Variants in RTEL1 observed in about 807,000 individuals in gnomAD.
RTEL1 encodes the protein regulator of telomere elongation helicase 1.
A neutral mutation model predicts 162.2 loss-of-function variants in RTEL1; 86 were observed. The ratio of observed to expected loss-of-function variants is 0.53; its 90% confidence interval spans 0.45 to 0.63. The LOEUF is 0.63. RTEL1 is among the 30% of genes least tolerant of loss of function. The probability of loss-of-function intolerance (pLI) is 0.00; values close to 1 mark genes in which losing one functional copy is unlikely to be tolerated. For synonymous variants in RTEL1, 958 were observed against 717.9 expected, an observed-to-expected ratio of 1.33 and a Z score of -5.35; for missense variants, 1,941 against 1,750.2, an observed-to-expected ratio of 1.11 and a Z score of -1.95.
At chr20:63,691,557 C>T (rs1046665544) in intron 27 of RTEL1, among the ~76,000 whole-genome samples, 185 bp from the exon 28 acceptor site, 5 of 152,120 alleles carry the variant, frequency 3.3e-5, no homozygotes, top group South Asian at 2.1e-4. Context: ...CCTCATGAGC[C>T]GCTGGTGTGA....
At chr20:63,675,397 G>A (rs957116082) in intron 10 of RTEL1, among the ~76,000 whole-genome samples, 14 of 152,110 alleles carry the variant, frequency 9.2e-5, no homozygotes, top group African/African-American at 2.7e-4. Flanking sequence ...GGGGAGCCCC[G>A]TCCTCACCCT....
In RTEL1 at chr20:63,692,922, G is replaced by A. The variant is rs1486153969; in HGVS notation, c.2770G>A (p.Gly924Ser). Residue 924 changes from glycine to serine, a missense_variant, in exon 29 of 35, where the codon GGT becomes AGT. Gly to Ser is a moderately conservative substitution (Grantham distance 56, BLOSUM62 0). Coordinates refer to ENST00000360203, the MANE Select transcript of RTEL1 (RefSeq NM_001283009.2). ...TFTQALQDYK[G>S]SDDFAALAAC... ...CACCCAGGCCCTGCAGGACTACAAGGGTTCCGATGACTTCGCCGCCCTGGC... is the reference window on the plus strand; with the variant it reads ...CACCCAGGCCCTGCAGGACTACAAGAGTTCCGATGACTTCGCCGCCCTGGC... The A allele has an allele frequency of 5.0e-6, 8 of 1,612,528 alleles. No individual in the cohort carries two copies. Among genetic ancestry groups the A allele is most frequent in the South Asian group, 1.1e-5 (1 of 91,090 alleles).
intron 14 of RTEL1, chr20:63,682,587 C>G (rs2090500343): frequency 2.4e-5 from 24 of 985,880 alleles, no homozygotes; most frequent in Non-Finnish European, 2.9e-5. Context: ...CAGCTTCTGC[C>G]AGCCCTCGGG....
rs1306888843 is a variant in RTEL1 at position 63,664,736 on chromosome 20, G to A, written c.539-1268G>A. Among the ~76,000 whole-genome samples the A allele has an allele frequency of 2.6e-5, 4 of 152,226 alleles. No homozygotes were observed. In the East Asian group the frequency reaches 7.7e-4, roughly 29 times the overall value. ...CACCGGCCTGAGCATCTTCAGAGTG[G>A]GCTGCAGCTCCTGGAGGGGTCTGAG... On this transcript the variant is annotated intron_variant, in intron 6 of 34. Coordinates refer to ENST00000360203, the MANE Select transcript of RTEL1 (RefSeq NM_001283009.2).
Position 63,692,482 on chromosome 20 carries a change from G to C in RTEL1, c.2653-323G>C, listed in dbSNP as rs1019030746. ...TGGGAGCCTCAGCCGCATCCGCTGTGGGGCAGGGGGCTTGAGGGAGGAGGA... is the reference window on the plus strand; with the variant it reads ...TGGGAGCCTCAGCCGCATCCGCTGTCGGGCAGGGGGCTTGAGGGAGGAGGA... On this transcript the variant is annotated intron_variant, in intron 28 of 34. Transcript: ENST00000360203. 9.5e-6 allele frequency: 4 copies of C among 419,628 alleles called. No individual in the cohort carries two copies. The Admixed American group carries it at 1.1e-4, about 12-fold the overall frequency. 26.0% of individuals were successfully genotyped at this position (419,628 alleles called of 1,614,324 possible).
intron 12 of RTEL1, among the ~76,000 whole-genome samples, chr20:63,679,133 G>A (rs904042972): frequency 3.9e-5 from 6 of 152,158 alleles, no homozygotes; most frequent in South Asian, 2.1e-4. Context: ...AGTCTTCTCC[G>A]CAGCCAGGGC....
chr20:63,694,513 A>G, intron 31 of RTEL1, 25 bp downstream of exon 31: 2 of 1,544,734 alleles, frequency 1.3e-6, no homozygotes, highest in South Asian at 2.3e-5. Flanking sequence ...AACCGTGTGC[A>G]GCCTACGACT....
At chr20:63,693,056 G>A in intron 29 of RTEL1, 53 bp downstream of exon 29, 3 of 1,609,840 alleles carry the variant, frequency 1.9e-6, no homozygotes, top group South Asian at 1.1e-5. Context: ...GCCGCCGCGT[G>A]TGGGGTGGGG....
chr20:63,672,414 G>T (rs2090262191), intron 8 of RTEL1, 142 bp from the exon 9 acceptor site: 1 of 699,396 alleles, frequency 1.4e-6, no homozygotes, highest in Non-Finnish European at 2.5e-6. Context: ...AGGTCATCCA[G>T]GTCTGGCCTC....
At chr20:63,680,417 G>C (rs2090455597) in intron 13 of RTEL1, among the ~76,000 whole-genome samples, 1 of 152,168 alleles carries the variant, frequency 6.6e-6, no homozygotes, top group Non-Finnish European at 1.5e-5. Context: ...GGCGACCATA[G>C]AGCCTCTTTT....
chr20:63,691,124 C>T lies in RTEL1; in HGVS notation c.2556+177C>T, dbSNP rs2090730764. Among the ~76,000 whole-genome samples, 3 of 152,102 alleles carry T rather than the reference C, an allele frequency of 2.0e-5. No individual in the cohort carries two copies. The South Asian group carries it at 6.2e-4, about 32-fold the overall frequency. On this transcript the variant is annotated intron_variant, in intron 27 of 34. Coordinates refer to ENST00000360203, the MANE Select transcript of RTEL1 (RefSeq NM_001283009.2). ...CCTGGCTGTCTGTGGGTCCTCCACC[C>T]CACCTCACCCACAGGCTGCTGGCTC...
rs1365358056 is a variant in RTEL1, at chr20:63,668,310, G to A, written c.699+757G>A. On this transcript the variant is annotated intron_variant, in intron 8 of 34. Coordinates refer to ENST00000360203, the MANE Select transcript of RTEL1 (RefSeq NM_001283009.2). This position sits in a 1 kb window ranked among gnomAD's most constrained non-coding sequence, Gnocchi z 4.3. ...CGTGGTGACGTTTCCAGATCCCGTC[G>A]TTGGTTCGCTCATTCTCGGGGTGTA... 1.3e-5 allele frequency among the ~76,000 whole-genome samples: 2 copies of A among 152,326 alleles called. No homozygotes were observed. The highest frequency in any genetic ancestry group is 1.9e-4 in the East Asian group (1 of 5,186).
chr20:63,681,244 C>T, intron 14 of RTEL1: 1 of 985,460 alleles, frequency 1.0e-6, no homozygotes, highest in Non-Finnish European at 1.2e-6. Context: ...AGGTCTGCTT[C>T]TGGCTCCATG....
In RTEL1 at chr20:63,666,088, C is replaced by A; in HGVS notation, c.614+9C>A. The A allele has an allele frequency of 6.2e-7, 1 of 1,612,780 alleles. No individual in the cohort carries two copies. The highest frequency in any genetic ancestry group is 1.1e-5 in the South Asian group (1 of 91,022). On this transcript the variant is annotated intron_variant, in intron 7 of 34. Transcript: ENST00000360203. ...AGCGGAAGCAAGCACAGGTGAGACC[C>A]CTCAGTGAGGCCACGACCACTGTCC...
At chr20:63,687,826 G>A in intron 17 of RTEL1, 56 bp downstream of exon 17, 1 of 1,555,170 alleles carries the variant, frequency 6.4e-7, no homozygotes. Flanking sequence ...ACATCAGCGG[G>A]GTGGAAGTGG....
intron 8 of RTEL1, among the ~76,000 whole-genome samples, chr20:63,669,173 T>C (rs901873534): frequency 1.3e-5 from 2 of 152,130 alleles, no homozygotes; most frequent in Non-Finnish European, 2.9e-5. Context: ...TTGACAAACA[T>C]GCCAATTTAA....
rs768473584 is a variant in RTEL1 at position 63,659,366 on chromosome 20, T to C, written c.-37T>C. 2.4e-5 allele frequency: 36 copies of C among 1,506,704 alleles called. No individual in the cohort carries two copies. In the East Asian group the frequency reaches 7.2e-4, roughly 30 times the overall value. The allele number at this position is 1,506,704 out of a possible 1,614,324, so 93.3% of individuals were successfully genotyped here. ...CGCACAGACCCGAATAGCCTGCCCCTCAGCCACGCTCTGTGCCCTTCTGAG... is the reference window on the plus strand; with the variant it reads ...CGCACAGACCCGAATAGCCTGCCCCCCAGCCACGCTCTGTGCCCTTCTGAG... On this transcript the variant is annotated 5_prime_UTR_variant, in exon 2 of 35. Coordinates refer to ENST00000360203, the MANE Select transcript of RTEL1 (RefSeq NM_001283009.2).
rs779238988 is a variant in RTEL1 at position 63,691,742 on chromosome 20, G to A, written c.2557G>A (p.Ala853Thr). ...QRAGSPGEEQAHSCSTLSLLS... is the reference protein window; with the variant it reads ...QRAGSPGEEQTHSCSTLSLLS... ...TGGTTGTGAGCTGTGTCCTCCTCAGGCCCACAGCTGCTCCACCCTGTCCCT... is the reference window on the plus strand; with the variant it reads ...TGGTTGTGAGCTGTGTCCTCCTCAGACCCACAGCTGCTCCACCCTGTCCCT... The change falls in exon 28 of 35, where the codon GCC (alanine) becomes ACC (threonine). Residue 853 changes from alanine (A) to threonine (T), a missense_variant and splice_region_variant. Ala to Thr is a moderately conservative substitution (Grantham distance 58). Coordinates refer to ENST00000360203, the MANE Select transcript of RTEL1 (RefSeq NM_001283009.2). 1.2e-6 allele frequency: 2 copies of A among 1,612,120 alleles called. No homozygotes were observed. Among genetic ancestry groups the A allele is most frequent in the South Asian group, 2.2e-5 (2 of 91,068 alleles).
chr20:63,694,683 G>C, intron 31 of RTEL1, 58 bp from the exon 32 acceptor site: 1 of 1,440,872 alleles, frequency 6.9e-7, no homozygotes, highest in Non-Finnish European at 9.4e-7. Flanking sequence ...GGGCAGGGCG[G>C]TGGGACTCTC....
Sources: gnomAD v4.1 joint callset for allele counts (sites outside exome capture counted in the v4.1 genomes callset) on GRCh38, gnomAD v4.1.1 for gene constraint, Gnocchi (gnomAD v3.1) non-coding constraint, MANE v1.5 for transcripts, NCBI Gene and HGNC (gene_info 2026-07-23, HGNC 2026-07-21) for gene names.